OSBPL1A: variants seen among roughly 807,000 people sequenced by gnomAD.
The protein encoded by OSBPL1A is oxysterol binding protein like 1A.
OSBPL1A carries 80 observed loss-of-function variants against 137.1 expected under a neutral mutation model. That is an observed-to-expected ratio of 0.58 (90% CI 0.49 to 0.70). The LOEUF is 0.70. Among genes scored for constraint, OSBPL1A ranks in the 30% least tolerant of loss-of-function variants. The pLI is 0.00. For missense variants in OSBPL1A, 970 were observed against 1,129.4 expected, an observed-to-expected ratio of 0.86 and a Z score of 2.02; for synonymous variants, 365 against 389.7, an observed-to-expected ratio of 0.94 and a Z score of 0.75.
At chr18:24,279,181 G>A (rs571471681) in intron 15 of OSBPL1A, among the ~76,000 whole-genome samples, 2 of 150,706 alleles carry the variant, frequency 1.3e-5, no homozygotes, top group East Asian at 3.9e-4. Context: ...TTGGGAGGCC[G>A]AGTCGGGCAG....
intron 16 of OSBPL1A, among the ~76,000 whole-genome samples, chr18:24,228,429 T>A (rs551808218): frequency 4.6e-5 from 7 of 152,036 alleles, no homozygotes; most frequent in Non-Finnish European, 1.0e-4. Flanking sequence ...CAAAGTACAA[T>A]GGTCATTTTT....
Position 24,172,461 on chromosome 18 carries a change from T to C in OSBPL1A, c.2116A>G (p.Thr706Ala). 1 of 1,613,876 alleles carries C rather than the reference T, an allele frequency of 6.2e-7. No homozygotes were observed. The highest frequency in any genetic ancestry group is 8.5e-7 in the Non-Finnish European group (1 of 1,179,804). The change falls in exon 22 of 28, where the codon ACA becomes GCA. Residue 706 changes from threonine to alanine, a missense_variant. Thr to Ala is a moderately conservative substitution (Grantham distance 58, BLOSUM62 0). Around this residue, in one of 2 missense-constraint regions of OSBPL1A, gnomAD observed 323 missense variants for 456.8 expected, o/e 0.71. Coordinates refer to ENST00000319481, the MANE Select transcript of OSBPL1A (RefSeq NM_080597.4). ...LLEHNEAYTW[T>A]NPTCCVHNII... is the part of the protein sequence containing the mutation. Reference sequence around the variant, plus strand: ...TTATGCACACAGCAGGTGGGATTTGTCCATGTATATGCCTCATTGTGTCTA... The same window carrying C: ...TTATGCACACAGCAGGTGGGATTTGCCCATGTATATGCCTCATTGTGTCTA...
intron 17 of OSBPL1A, among the ~76,000 whole-genome samples, chr18:24,217,086 C>T (rs1599507584): frequency 6.6e-6 from 1 of 151,984 alleles, no homozygotes; most frequent in Non-Finnish European, 1.5e-5. Flanking sequence ...AGAAGCTGAC[C>T]CAGAGGGGCT....
chr18:24,213,587 A>C (rs2087607382), intron 17 of OSBPL1A, among the ~76,000 whole-genome samples: 1 of 152,116 alleles, frequency 6.6e-6, no homozygotes, highest in Admixed American at 6.5e-5. Flanking sequence ...AATAATAATA[A>C]AATCTGATGT....
chr18:24,195,884 C>T (rs1394220939), intron 18 of OSBPL1A: 1 of 461,364 alleles, frequency 2.2e-6, no homozygotes, highest in Non-Finnish European at 3.9e-6. Flanking sequence ...TCAACAGAAA[C>T]ACGGCATTTT....
rs1046936916 is a variant in OSBPL1A at position 24,332,183 on chromosome 18, C to G, written c.625+759G>C. Reference sequence around the variant, plus strand: ...TTGAGGTCAGGAGTTCGAGACCAGCCTGGCCAACATGGTGAAACCCCATCT... The same window carrying G: ...TTGAGGTCAGGAGTTCGAGACCAGCGTGGCCAACATGGTGAAACCCCATCT... On this transcript the variant is annotated intron_variant, in intron 7 of 27. Transcript: ENST00000319481. 5.9e-5 allele frequency among the ~76,000 whole-genome samples: 9 copies of G among 151,764 alleles called. 1 individual carries two copies. Among genetic ancestry groups the G allele is most frequent in the Admixed American group, 3.3e-4 (5 of 15,240 alleles).
At chr18:24,295,275 T>C (rs1416654103) in intron 14 of OSBPL1A, among the ~76,000 whole-genome samples, 1 of 152,236 alleles carries the variant, frequency 6.6e-6, no homozygotes, top group African/African-American at 2.4e-5. Flanking sequence ...TGTATTTTTC[T>C]TGCTGATTTG....
At chr18:24,391,685 T>C (rs141037786) in intron 1 of OSBPL1A, among the ~76,000 whole-genome samples, 47 of 151,634 alleles carry the variant, frequency 3.1e-4, no homozygotes, top group Non-Finnish European at 6.2e-4. Flanking sequence ...GCTAAGACCA[T>C]GCCACTGCAC....
chr18:24,324,482 AAT>A lies in OSBPL1A; in HGVS notation c.626-5675_626-5674del, dbSNP rs1386917103. On this transcript the variant is annotated intron_variant, in intron 7 of 27. Coordinates refer to ENST00000319481, the MANE Select transcript of OSBPL1A (RefSeq NM_080597.4). ...AAAAAAAAAAAAAAAAAAAAAAAAA[AAT>A]TATATCAAATAGATAAACTACATGC... Among the ~76,000 whole-genome samples, 57 of 64,740 alleles carry A rather than the reference AAT, an allele frequency of 8.8e-4. 11 individuals are homozygous for A. The highest frequency in any genetic ancestry group is 1.9e-3 in the South Asian group (5 of 2,604). 42.5% of individuals were successfully genotyped at this position (64,740 alleles called of 152,430 possible).
chr18:24,397,173 A>G lies in OSBPL1A; in HGVS notation c.-3+482T>C, dbSNP rs73396232. Among the ~76,000 whole-genome samples the G allele has an allele frequency of 3.9e-3, 587 of 152,346 alleles. 4 individuals are homozygous for G. Among genetic ancestry groups the G allele is most frequent in the African/African-American group, 0.014 (572 of 41,584 alleles). ...AGCTGCGCTCTCATTCAGTTTCAGA[A>G]TCTCCCTTGGATATTCGTTCATGCT... On this transcript the variant is annotated intron_variant, in intron 1 of 27. Coordinates refer to ENST00000319481, the MANE Select transcript of OSBPL1A (RefSeq NM_080597.4).
At chr18:24,381,226 G>A (rs1258601204) in intron 1 of OSBPL1A, among the ~76,000 whole-genome samples, 3 of 152,112 alleles carry the variant, frequency 2.0e-5, no homozygotes, top group Admixed American at 6.6e-5. Context: ...GTCAGTGGGT[G>A]GAAAAGTACT....
At position 24,167,424 on chromosome 18, in the gene OSBPL1A, C is replaced by G. The variant is rs764180047; in HGVS notation, c.2440G>C (p.Asp814His). The G allele has an allele frequency of 1.2e-6, 2 of 1,614,062 alleles. No individual in the cohort carries two copies. The highest frequency in any genetic ancestry group is 2.2e-5 in the East Asian group (1 of 44,894). The change falls in exon 25 of 28, where the codon GAT (aspartate) becomes CAT (histidine). Residue 814 changes from aspartate to histidine, a missense_variant. Around this residue, in one of 2 missense-constraint regions of OSBPL1A, gnomAD observed 323 missense variants for 456.8 expected, o/e 0.71. Transcript: ENST00000319481. Reference sequence around the variant, plus strand: ...TCAGAATCCGGCACTGGCATTTCATCCAACTCCTCAGAGGTGCTCATCTAG... The same window carrying G: ...TCAGAATCCGGCACTGGCATTTCATGCAACTCCTCAGAGGTGCTCATCTAG... The part of the protein sequence containing the change: ...SKQMSTSEEL[D>H]EMPVPDSESV...
chr18:24,376,296 CAG>C (rs1445387757), intron 2 of OSBPL1A, among the ~76,000 whole-genome samples: 1 of 152,142 alleles, frequency 6.6e-6, no homozygotes, highest in Non-Finnish European at 1.5e-5. Flanking sequence ...TAGCTAGATA[CAG>C]AGTGTGGACA....
At chr18:24,341,835 A>T (rs867533924) in intron 4 of OSBPL1A, among the ~76,000 whole-genome samples, 177 bp from the exon 5 acceptor site, 1 of 152,316 alleles carries the variant, frequency 6.6e-6, no homozygotes, top group Middle Eastern at 3.4e-3. Context: ...AATACTTGAC[A>T]ACTGCCTAAA....
chr18:24,276,271 T>C (rs1322536644), intron 15 of OSBPL1A, among the ~76,000 whole-genome samples: 2 of 152,160 alleles, frequency 1.3e-5, no homozygotes, highest in Non-Finnish European at 2.9e-5. Flanking sequence ...GCATTTTGAA[T>C]GGAACTCTCA....
At chr18:24,229,449 T>C (rs994500219) in intron 16 of OSBPL1A, among the ~76,000 whole-genome samples, 2 of 152,340 alleles carry the variant, frequency 1.3e-5, no homozygotes, top group East Asian at 3.9e-4. Flanking sequence ...GTGGAATGTA[T>C]ACTGTGTGAA....
chr18:24,198,471 A>C (rs970357493), intron 17 of OSBPL1A, among the ~76,000 whole-genome samples: 1 of 152,206 alleles, frequency 6.6e-6, no homozygotes, highest in Non-Finnish European at 1.5e-5. Context: ...TATCTGCAAC[A>C]TTCATTACCT....
intron 5 of OSBPL1A, among the ~76,000 whole-genome samples, chr18:24,335,552 G>A (rs1274097792): frequency 1.3e-5 from 2 of 152,178 alleles, no homozygotes; most frequent in African/African-American, 4.8e-5. Flanking sequence ...TTCTATTTTG[G>A]TTTATAGAAA....
intron 14 of OSBPL1A, among the ~76,000 whole-genome samples, chr18:24,284,314 A>C (rs1158864173): frequency 6.6e-6 from 1 of 152,218 alleles, no homozygotes; most frequent in Non-Finnish European, 1.5e-5. Context: ...TTTAGAGACT[A>C]AACTGTCATG....
Sources: allele counts gnomAD v4.1 joint callset (sites outside exome capture counted in the v4.1 genomes callset), GRCh38; gene constraint gnomAD v4.1.1; regional missense constraint gnomAD v4.1.1; transcripts MANE v1.5; gene names NCBI Gene and HGNC (gene_info 2026-07-23, HGNC 2026-07-21).